CARNMT1: variants seen among roughly 807,000 people sequenced by gnomAD.
CARNMT1 encodes carnosine N-methyltransferase 1.
Under a neutral mutation model 49.6 loss-of-function variants are expected in CARNMT1, and 28 were observed. That is an observed-to-expected ratio of 0.56 (90% CI 0.42 to 0.77). CARNMT1 has a LOEUF of 0.77. Ranked by LOEUF, CARNMT1 falls within the 30% of genes least tolerant of loss-of-function variation. The pLI, the probability that CARNMT1 is intolerant of heterozygous loss-of-function variation, is 0.00. For synonymous variants in CARNMT1, 178 were observed against 175.0 expected (o/e 1.02, Z -0.13); for missense variants, 421 against 512.6 (o/e 0.82, Z 1.73).
chr9:75,019,658 AC>A (rs1833942568), intron 1 of CARNMT1, among the ~76,000 whole-genome samples: 2 of 152,186 alleles, frequency 1.3e-5, no homozygotes, highest in Admixed American at 6.5e-5. Flanking sequence ...ACCTCTATCA[AC>A]CAACTACCAG....
chr9:75,022,744 A>G (rs1822408528), intron 1 of CARNMT1, among the ~76,000 whole-genome samples: 1 of 152,154 alleles, frequency 6.6e-6, no homozygotes, highest in South Asian at 2.1e-4. Context: ...CACCATACTC[A>G]AAACTCATAT....
chr9:75,024,837 C>T (rs1208040100), intron 1 of CARNMT1, among the ~76,000 whole-genome samples: 1 of 152,170 alleles, frequency 6.6e-6, no homozygotes. Context: ...AAACCCACAC[C>T]TAACTTTGAT....
intron 6 of CARNMT1, among the ~76,000 whole-genome samples, chr9:74,988,940 T>C (rs1389876328): frequency 6.6e-6 from 1 of 152,188 alleles, no homozygotes; most frequent in Non-Finnish European, 1.5e-5. Flanking sequence ...ACATCCCCAC[T>C]AACAGAACAA....
At chr9:74,997,676 CA>C (rs771577723) in intron 5 of CARNMT1, among the ~76,000 whole-genome samples, 3 of 151,840 alleles carry the variant, frequency 2.0e-5, no homozygotes, top group Non-Finnish European at 4.4e-5. Context: ...CTCTACTAGA[CA>C]TTTTTTTTTT....
At chr9:74,996,081 TC>T (rs141414688) in intron 6 of CARNMT1, 2,197 of 160,922 alleles carry the variant, frequency 0.014, 20 homozygotes, top group African/African-American at 0.019. Flanking sequence ...AGGTAAAATC[TC>T]CCCGCATGCT....
intron 3 of CARNMT1, among the ~76,000 whole-genome samples, chr9:75,004,626 G>A (rs1437830793): frequency 6.6e-6 from 1 of 152,066 alleles, no homozygotes; most frequent in Non-Finnish European, 1.5e-5. Context: ...TTAAAAATGA[G>A]TTCTCCTAGC....
chr9:75,015,153 A>T (rs1408076741), intron 3 of CARNMT1, among the ~76,000 whole-genome samples: 1 of 152,194 alleles, frequency 6.6e-6, no homozygotes, highest in African/African-American at 2.4e-5. Flanking sequence ...CTCTGAAGGG[A>T]ATGGGAAAAA....
At chr9:75,028,428 A>C (rs1822598504), upstream of CARNMT1, 1 of 1,277,914 alleles carries the variant, frequency 7.8e-7, no homozygotes. Context: ...GGCTCCCAGA[A>C]CCAATGCGCA....
At chr9:75,012,284 GTT>G (rs869040579) in intron 3 of CARNMT1, among the ~76,000 whole-genome samples, 51 of 134,002 alleles carry the variant, frequency 3.8e-4, no homozygotes, top group African/African-American at 7.7e-4. Flanking sequence ...CAAGTTTTTG[GTT>G]TTTTTTTTTT....
chr9:75,001,804 A>G (rs1330174534), intron 3 of CARNMT1, among the ~76,000 whole-genome samples: 1 of 152,204 alleles, frequency 6.6e-6, no homozygotes, highest in Non-Finnish European at 1.5e-5. Flanking sequence ...TCTGCTATGA[A>G]TCCGTATGAA....
At chr9:74,998,855 T>G in intron 4 of CARNMT1, 79 bp from the exon 5 acceptor site, 2 of 791,768 alleles carry the variant, frequency 2.5e-6, no homozygotes, top group Admixed American at 6.6e-5. Flanking sequence ...AAAAATATAC[T>G]GTTTAATTGA....
Position 75,028,051 on chromosome 9 carries a change from T to C in CARNMT1, c.191A>G (p.Glu64Gly). The part of the protein sequence containing the change: ...TEEEEERLER[E>G]HFWKIINAFR... ...GGCATTAATGATCTTCCAGAAGTGC[T>C]CACGCTCAAGCCTCTCCTCCTCCTC... The change falls in exon 1 of 8, where the codon GAG becomes GGG. Residue 64 changes from glutamate to glycine, a missense_variant. By Grantham distance (98) the Glu-to-Gly change is moderately conservative. This residue lies in a region of CARNMT1 where 186 missense variants were observed against 167.9 expected (regional missense o/e 1.11). Transcript: ENST00000376834. 1 of 1,578,744 alleles carries C rather than the reference T, an allele frequency of 6.3e-7. No homozygotes were observed. Among genetic ancestry groups the C allele is most frequent in the Non-Finnish European group, 8.6e-7 (1 of 1,164,976 alleles).
At chr9:75,014,965 C>T (rs1006528871) in intron 3 of CARNMT1, among the ~76,000 whole-genome samples, 1 of 152,072 alleles carries the variant, frequency 6.6e-6, no homozygotes, top group Non-Finnish European at 1.5e-5. Context: ...TCAATCAATA[C>T]GGAGGCAAAG....
chr9:75,018,884 T>C (rs1833926481), intron 1 of CARNMT1, among the ~76,000 whole-genome samples: 1 of 151,344 alleles, frequency 6.6e-6, no homozygotes, highest in Admixed American at 6.6e-5. Context: ...GGAGAATCGC[T>C]TGAACGCGGG....
chr9:75,016,843 T>G (rs896357634), intron 2 of CARNMT1: 3 of 261,050 alleles, frequency 1.1e-5, no homozygotes, highest in Admixed American at 5.2e-5. Context: ...TTCTATGTAC[T>G]GCCAGTCCCT....
Position 74,981,167 on chromosome 9 carries a change from C to T in CARNMT1, c.*2600G>A, listed in dbSNP as rs920252540. The T allele has an allele frequency of 2.0e-5, 3 of 152,058 alleles. No homozygotes were observed. Among genetic ancestry groups the T allele is most frequent in the African/African-American group, 4.8e-5 (2 of 41,414 alleles). 9.4% of individuals were successfully genotyped at this position (152,058 alleles called of 1,614,324 possible). The stretch of plus-strand genomic sequence containing the variant: ...ATGAGAGTTACATATAAATACAGTA[C>T]ATTTTACAGTTACCAAACTTCATAA... On this transcript the variant is annotated 3_prime_UTR_variant, in exon 8 of 8. Transcript: ENST00000376834.
At chr9:75,017,498 G>A (rs1384119968) in intron 1 of CARNMT1, 50 bp from the exon 2 acceptor site, 2 of 1,489,420 alleles carry the variant, frequency 1.3e-6, no homozygotes, top group Middle Eastern at 1.7e-4. Flanking sequence ...TCTCACCAGA[G>A]GCCAATCTTA....
chr9:74,999,526 CTT>C (rs1431227142), intron 4 of CARNMT1, among the ~76,000 whole-genome samples: 1 of 152,134 alleles, frequency 6.6e-6, no homozygotes, highest in Admixed American at 6.5e-5. Context: ...ACTTACCCAT[CTT>C]GTTTCAACAC....
intron 1 of CARNMT1, among the ~76,000 whole-genome samples, chr9:75,027,685 T>C (rs562284454): frequency 4.9e-4 from 74 of 152,360 alleles, no homozygotes; most frequent in African/African-American, 1.8e-3. Flanking sequence ...GTCTTCTATC[T>C]GAAATTGTTA....
Sources: allele counts gnomAD v4.1 joint callset (sites outside exome capture counted in the v4.1 genomes callset), GRCh38; gene constraint gnomAD v4.1.1; regional missense constraint gnomAD v4.1.1; transcripts MANE v1.5; gene names NCBI Gene and HGNC (gene_info 2026-07-23, HGNC 2026-07-21).